Variants in CLYBL observed in about 807,000 individuals in gnomAD.
CLYBL encodes the protein citramalyl-CoA lyase, mitochondrial.
CLYBL carries 31 observed loss-of-function variants against 38.9 expected under a neutral mutation model. The observed-to-expected ratio is 0.80, with a 90% CI of 0.60 to 1.08. CLYBL has a LOEUF of 1.08. Ranked by LOEUF, CLYBL falls within the 50% of genes least tolerant of loss-of-function variation. CLYBL has a pLI of 0.00. For synonymous variants in CLYBL, 171 were observed against 158.6 expected (o/e 1.08, Z -0.59); for missense variants, 434 against 411.6 (o/e 1.05, Z -0.47).
At position 99,784,358 on chromosome 13, in the gene CLYBL, G is replaced by A. The variant is rs1314074828; in HGVS notation, c.249+11348G>A. ...TATTCTGATACTAGGTCTGATATAG[G>A]TATTTGATTCCCCGTGTCCTTATTT... On this transcript the variant is annotated intron_variant, in intron 2 of 8. Transcript: ENST00000339105. Among the ~76,000 whole-genome samples the A allele has an allele frequency of 2.0e-5, 3 of 151,340 alleles. No individual in the cohort carries two copies. The East Asian group carries it at 5.8e-4, about 29-fold the overall frequency.
intron 1 of CLYBL, among the ~76,000 whole-genome samples, chr13:99,675,054 A>G (rs1271439423): frequency 1.3e-5 from 2 of 152,178 alleles, no homozygotes; most frequent in African/African-American, 4.8e-5. Flanking sequence ...TGTCTCTTAA[A>G]AAAACAAAAA....
At chr13:99,893,143 C>A (rs143109201), downstream of CLYBL, 1 of 152,342 alleles carries the variant, frequency 6.6e-6, no homozygotes. Flanking sequence ...TGCCCCAGAG[C>A]GGCCAGAAAG....
At chr13:99,874,184 T>C (rs2051979340) in intron 7 of CLYBL, among the ~76,000 whole-genome samples, 5 of 152,218 alleles carry the variant, frequency 3.3e-5, no homozygotes, top group Admixed American at 3.3e-4. Context: ...AAATAATCTC[T>C]GCTCCTATGT....
intron 2 of CLYBL, among the ~76,000 whole-genome samples, chr13:99,812,853 A>AG (rs887293421): frequency 2.6e-5 from 4 of 152,148 alleles, no homozygotes; most frequent in Non-Finnish European, 4.4e-5. Context: ...AGTGGGGCCA[A>AG]GGGGGGGCCC....
At chr13:99,640,020 A>G (rs1034101391) in intron 1 of CLYBL, among the ~76,000 whole-genome samples, 1 of 152,254 alleles carries the variant, frequency 6.6e-6, no homozygotes, top group African/African-American at 2.4e-5. Flanking sequence ...TGTCATATAC[A>G]TAGTTGAACA....
intron 1 of CLYBL, among the ~76,000 whole-genome samples, chr13:99,753,312 T>G (rs1197353922): frequency 6.6e-6 from 1 of 151,960 alleles, no homozygotes; most frequent in Non-Finnish European, 1.5e-5. Context: ...AGGAGCATCA[T>G]GATTTGATTT....
chr13:99,721,803 G>GTTA (rs1261366698), intron 1 of CLYBL, among the ~76,000 whole-genome samples: 1 of 152,082 alleles, frequency 6.6e-6, no homozygotes, highest in African/African-American at 2.4e-5. Flanking sequence ...GGCGTGGTAG[G>GTTA]TTAGTTCCTG....
At chr13:99,799,526 G>A (rs1035532800) in intron 2 of CLYBL, among the ~76,000 whole-genome samples, 4 of 152,032 alleles carry the variant, frequency 2.6e-5, no homozygotes, top group Admixed American at 6.6e-5. Flanking sequence ...CATTTGCACG[G>A]GTATCATCTT....
At position 99,606,767 on chromosome 13, in the gene CLYBL, G is replaced by C. The variant is rs1253430502; in HGVS notation, c.62+10G>C. On this transcript the variant is annotated intron_variant, in intron 1 of 8. Transcript: ENST00000339105. ...CGGCGCTGCTGAGGCTGTGAGTGCAGGTCCCCGTTCCCCGCCTTCCCGGCC... is the reference window on the plus strand; with the variant it reads ...CGGCGCTGCTGAGGCTGTGAGTGCACGTCCCCGTTCCCCGCCTTCCCGGCC... 3.5e-6 allele frequency: 5 copies of C among 1,434,584 alleles called. No homozygotes were observed. The South Asian group carries it at 7.1e-5, about 20-fold the overall frequency. 88.9% of individuals were successfully genotyped at this position (1,434,584 alleles called of 1,614,324 possible). A position where few individuals can be genotyped will look rare whatever the true frequency, so the allele number is the denominator to read the frequency against.
intron 2 of CLYBL, among the ~76,000 whole-genome samples, chr13:99,841,514 C>T (rs1381967988): frequency 1.3e-5 from 2 of 152,152 alleles, no homozygotes; most frequent in Non-Finnish European, 2.9e-5. Context: ...ATTCTCCTGC[C>T]TCAGCCTCGC....
chr13:99,901,764 A>T (rs2052647123), downstream of CLYBL, among the ~76,000 whole-genome samples: 1 of 150,722 alleles, frequency 6.6e-6, no homozygotes, highest in Admixed American at 6.6e-5. Flanking sequence ...GGTTTAAGTG[A>T]TTCTCCTGCC....
intron 1 of CLYBL, among the ~76,000 whole-genome samples, chr13:99,684,024 A>T (rs2047779443): frequency 8.6e-6 from 1 of 116,856 alleles, no homozygotes; most frequent in Non-Finnish European, 1.8e-5. Flanking sequence ...GCATGCCACC[A>T]TGCCTGGCTA....
intron 2 of CLYBL, among the ~76,000 whole-genome samples, chr13:99,824,780 G>A (rs1287302888): frequency 6.6e-6 from 1 of 152,180 alleles, no homozygotes; most frequent in Non-Finnish European, 1.5e-5. Flanking sequence ...ATCAAGATAT[G>A]CCTGACTGAG....
At chr13:99,717,833 A>G (rs1013399596) in intron 1 of CLYBL, among the ~76,000 whole-genome samples, 2 of 151,354 alleles carry the variant, frequency 1.3e-5, no homozygotes, top group African/African-American at 4.8e-5. Flanking sequence ...TTGGGTGTGT[A>G]TGTGTGTGTG....
At chr13:99,631,384 T>G (rs7992451) in intron 1 of CLYBL, among the ~76,000 whole-genome samples, 1,786 of 151,144 alleles carry the variant, frequency 0.012, 43 homozygotes, top group African/African-American at 0.041. Flanking sequence ...CATATATAAT[T>G]TATATGCAAA....
intron 1 of CLYBL, among the ~76,000 whole-genome samples, chr13:99,701,932 A>G (rs1384139460): frequency 1.3e-5 from 2 of 152,190 alleles, no homozygotes; most frequent in African/African-American, 4.8e-5. Flanking sequence ...TTGGCCTCCC[A>G]AAGTGCTGAG....
intron 1 of CLYBL, among the ~76,000 whole-genome samples, chr13:99,733,511 A>G (rs2048623089): frequency 6.6e-6 from 1 of 152,232 alleles, no homozygotes; most frequent in Admixed American, 6.5e-5. Flanking sequence ...TATACAACAT[A>G]GTGGTGTTTA....
intron 2 of CLYBL, among the ~76,000 whole-genome samples, chr13:99,855,122 G>T (rs1364606967): frequency 7.0e-6 from 1 of 142,668 alleles, no homozygotes; most frequent in Non-Finnish European, 1.5e-5. Flanking sequence ...GTTGATAAAG[G>T]CCTTAATTCC....
chr13:99,817,628 C>T (rs1286876508), intron 2 of CLYBL, among the ~76,000 whole-genome samples: 1 of 140,718 alleles, frequency 7.1e-6, no homozygotes, highest in Non-Finnish European at 1.5e-5. Flanking sequence ...GCACTCCAGC[C>T]TGGGCAACAG....
Sources: gnomAD v4.1 joint callset for allele counts (sites outside exome capture counted in the v4.1 genomes callset) on GRCh38, gnomAD v4.1.1 for gene constraint, MANE v1.5 for transcripts, NCBI Gene and HGNC (gene_info 2026-07-23, HGNC 2026-07-21) for gene names.